The following ELF2 variants were observed in gnomAD, a reference collection of about 807,000 sequenced individuals.
ELF2 encodes ETS-related transcription factor Elf-2.
A neutral mutation model predicts 54.8 loss-of-function variants in ELF2; 11 were observed. That is an observed-to-expected ratio of 0.20 (90% CI 0.13 to 0.33). The LOEUF is 0.33. Among genes scored for constraint, ELF2 ranks in the 10% least tolerant of loss-of-function variants. The pLI, the probability that ELF2 is intolerant of heterozygous loss-of-function variation, is 1.00. For synonymous variants in ELF2, 203 were observed against 245.1 expected, an observed-to-expected ratio of 0.83 and a Z score of 1.61; for missense variants, 513 against 703.0, an observed-to-expected ratio of 0.73 and a Z score of 3.06.
chr4:139,173,181 G>A (rs897621413), intron 1 of ELF2, among the ~76,000 whole-genome samples: 11 of 152,006 alleles, frequency 7.2e-5, no homozygotes, highest in Non-Finnish European at 1.6e-4. Flanking sequence ...GGAAATGTTC[G>A]AAAACTAGCT....
intron 6 of ELF2, among the ~76,000 whole-genome samples, chr4:139,069,724 T>G (rs1729237059): frequency 6.6e-6 from 1 of 152,180 alleles, no homozygotes; most frequent in African/African-American, 2.4e-5. Flanking sequence ...GTACTGCTAT[T>G]AAAAAAGAAC....
At chr4:139,150,170 A>G (rs900578985) in intron 1 of ELF2, among the ~76,000 whole-genome samples, 4 of 152,104 alleles carry the variant, frequency 2.6e-5, no homozygotes, top group Non-Finnish European at 5.9e-5. Flanking sequence ...CAAAACCCCT[A>G]AAAATACTAA....
At chr4:139,123,059 C>T (rs1443942288) in intron 4 of ELF2, among the ~76,000 whole-genome samples, 1 of 151,724 alleles carries the variant, frequency 6.6e-6, no homozygotes, top group East Asian at 2.0e-4. Flanking sequence ...TGGTGTGCAC[C>T]TGTAGTCCCA....
At chr4:139,067,573 G>T in intron 7 of ELF2, 111 bp downstream of exon 7, 1 of 1,081,918 alleles carries the variant, frequency 9.2e-7, no homozygotes, top group South Asian at 1.5e-5. Context: ...TATTACCAGC[G>T]ACAGTATTCT....
intron 1 of ELF2, among the ~76,000 whole-genome samples, chr4:139,165,657 C>T (rs1399288628): frequency 2.0e-5 from 3 of 151,902 alleles, no homozygotes; most frequent in African/African-American, 7.3e-5. Context: ...AGCAACACTC[C>T]GTCTTAAAAA....
At chr4:139,123,141 A>ACC (rs1736563493) in intron 4 of ELF2, among the ~76,000 whole-genome samples, 1 of 150,144 alleles carries the variant, frequency 6.7e-6, no homozygotes, top group Admixed American at 6.7e-5. Flanking sequence ...CCGAGATTGC[A>ACC]CCACTGCACT....
intron 9 of ELF2, 110 bp downstream of exon 9, chr4:139,060,214 C>T: frequency 2.0e-6 from 2 of 988,658 alleles, no homozygotes; most frequent in South Asian, 1.8e-5. Flanking sequence ...AAAGTCCTGA[C>T]AACACTGGGT....
intron 4 of ELF2, among the ~76,000 whole-genome samples, chr4:139,081,848 T>C (rs1731158836): frequency 6.6e-6 from 1 of 152,178 alleles, no homozygotes; most frequent in African/African-American, 2.4e-5. Context: ...GAGCTTCAGA[T>C]TACATGAACA....
intron 3 of ELF2, among the ~76,000 whole-genome samples, chr4:139,136,275 GTTT>G (rs1356686572): frequency 1.3e-5 from 2 of 152,130 alleles, no homozygotes; most frequent in African/African-American, 4.8e-5. Context: ...CTTTGTACCT[GTTT>G]TGGATTTGAA....
chr4:139,131,163 T>C (rs1737453278), intron 3 of ELF2, among the ~76,000 whole-genome samples: 1 of 152,208 alleles, frequency 6.6e-6, no homozygotes. Flanking sequence ...CCCAGTTAAA[T>C]TTGAATTTCA....
rs1228868394 is a variant in ELF2 at position 139,151,033 on chromosome 4, AAAGAAAGAAAGAAAG to A, written c.-251-11551_-251-11537del. Reference sequence around the variant, plus strand: ...AACGAGGCTCCATCTCAAAAAAAAAAAAGAAAGAAAGAAAGAAAGAAAGAAAGAAAGAAAGAAAGA... The same window carrying A: ...AACGAGGCTCCATCTCAAAAAAAAAAAAAGAAAGAAAGAAAGAAAGAAAGA... On this transcript the variant is annotated intron_variant, in intron 1 of 9. Coordinates refer to ENST00000686138, the MANE Select transcript of ELF2 (RefSeq NM_001331036.3). Among the ~76,000 whole-genome samples the A allele has an allele frequency of 1.7e-3, 48 of 28,930 alleles. 2 individuals carry two copies. The highest frequency in any genetic ancestry group is 5.8e-3 in the East Asian group (11 of 1,894). The allele number at this position is 28,930 out of a possible 152,430, so 19.0% of individuals were successfully genotyped here. A position where few individuals can be genotyped will look rare whatever the true frequency, so the allele number is the denominator to read the frequency against.
At position 139,073,494 on chromosome 4, in the gene ELF2, A is replaced by G; in HGVS notation, c.312T>C (p.His104=). The change falls in exon 5 of 10, where the codon CAT becomes CAC. Residue 104 remains histidine, a synonymous_variant. Coordinates refer to ENST00000686138, the MANE Select transcript of ELF2 (RefSeq NM_001331036.3). ...KTIEAAEALL[H]MESPTCLRDS... ...CCCTCAAGCAGGTAGGAGATTCCAT[A>G]TGAAGCAGGGCTTCAGCAGCTTCAA... 4 of 1,609,438 alleles carry G rather than the reference A, an allele frequency of 2.5e-6. No individual in the cohort carries two copies. Among genetic ancestry groups the G allele is most frequent in the Non-Finnish European group, 3.4e-6 (4 of 1,176,894 alleles).
At chr4:139,156,156 T>C (rs977742568) in intron 1 of ELF2, among the ~76,000 whole-genome samples, 4 of 152,188 alleles carry the variant, frequency 2.6e-5, no homozygotes, top group African/African-American at 9.7e-5. Context: ...ATTAATTTTA[T>C]ACATATATTC....
chr4:139,108,601 T>C (rs1019202294), intron 4 of ELF2, among the ~76,000 whole-genome samples: 2 of 150,900 alleles, frequency 1.3e-5, no homozygotes, highest in Non-Finnish European at 3.0e-5. Context: ...CCATTCATAT[T>C]CTAAAAAAAA....
At chr4:139,093,896 C>CTTTT (rs33953924) in intron 4 of ELF2, among the ~76,000 whole-genome samples, 1 of 83,512 alleles carries the variant, frequency 1.2e-5, no homozygotes, top group East Asian at 3.1e-4. Flanking sequence ...TGACTAACAT[C>CTTTT]TTTTTTTTTT....
chr4:139,104,362 T>C (rs1380032371), intron 4 of ELF2, among the ~76,000 whole-genome samples: 3 of 151,726 alleles, frequency 2.0e-5, no homozygotes, highest in African/African-American at 7.3e-5. Context: ...ACACAAAAAT[T>C]AGCCAGGCGT....
Position 139,159,900 on chromosome 4 carries a change from G to A in ELF2, c.-252+17067C>T, listed in dbSNP as rs1441822650. Among the ~76,000 whole-genome samples the A allele has an allele frequency of 3.3e-5, 5 of 152,210 alleles. 1 individual carries two copies. Among genetic ancestry groups the A allele is most frequent in the South Asian group, 4.1e-4 (2 of 4,832 alleles). On this transcript the variant is annotated intron_variant, in intron 1 of 9. Transcript: ENST00000686138. Reference sequence around the variant, plus strand: ...CATGGTGGTGCAAGATATGGAAGGCGTATTTAGAGTCAGTATAAATATTGA... The same window carrying A: ...CATGGTGGTGCAAGATATGGAAGGCATATTTAGAGTCAGTATAAATATTGA...
intron 4 of ELF2, chr4:139,084,519 C>G: frequency 1.3e-6 from 1 of 742,634 alleles, no homozygotes; most frequent in Non-Finnish European, 1.7e-6. Flanking sequence ...CGCGCCCAAA[C>G]AGGAAGTCCC....
At chr4:139,153,705 A>G (rs1418627325) in intron 1 of ELF2, among the ~76,000 whole-genome samples, 1 of 152,212 alleles carries the variant, frequency 6.6e-6, no homozygotes, top group Non-Finnish European at 1.5e-5. Context: ...CTGACAATAT[A>G]AATTAAAAGC....
Sources: allele counts gnomAD v4.1 joint callset (sites outside exome capture counted in the v4.1 genomes callset), GRCh38; gene constraint gnomAD v4.1.1; transcripts MANE v1.5; gene names NCBI Gene and HGNC (gene_info 2026-07-23, HGNC 2026-07-21).